GPC6: variants seen among roughly 807,000 people sequenced by gnomAD.
GPC6 encodes the protein glypican-6.
A neutral mutation model predicts 55.2 loss-of-function variants in GPC6; 14 were observed. The ratio of observed to expected loss-of-function variants is 0.25; its 90% confidence interval spans 0.17 to 0.40. The LOEUF is 0.40. Ranked by LOEUF, GPC6 falls within the 10% of genes least tolerant of loss-of-function variation. The pLI is 1.00. For synonymous variants in GPC6, 278 were observed against 259.6 expected (o/e 1.07, Z -0.68); for missense variants, 641 against 708.5 (o/e 0.90, Z 1.08).
intron 4 of GPC6, among the ~76,000 whole-genome samples, chr13:94,181,477 T>G (rs915985021): frequency 3.3e-5 from 5 of 152,218 alleles, no homozygotes; most frequent in Admixed American, 2.0e-4. Flanking sequence ...TTTTATTTAT[T>G]TTTCATAAAG....
chr13:94,096,775 G>A (rs1885673386), intron 4 of GPC6, among the ~76,000 whole-genome samples: 1 of 152,126 alleles, frequency 6.6e-6, no homozygotes, highest in Non-Finnish European at 1.5e-5. Flanking sequence ...CTAGTTACAA[G>A]CAAACAGAAA....
At chr13:93,879,014 C>G (rs1874781722) in intron 3 of GPC6, among the ~76,000 whole-genome samples, 1 of 152,084 alleles carries the variant, frequency 6.6e-6, no homozygotes, top group Admixed American at 6.6e-5. Flanking sequence ...ATAAGCGTTT[C>G]TCAAAAGTGG....
intron 4 of GPC6, among the ~76,000 whole-genome samples, chr13:94,144,145 A>C (rs1424209369): frequency 6.6e-6 from 1 of 152,042 alleles, no homozygotes; most frequent in Non-Finnish European, 1.5e-5. Flanking sequence ...CTGTTGTCCT[A>C]TTTGCATATG....
At chr13:94,066,833 AG>A (rs1884533342) in intron 4 of GPC6, among the ~76,000 whole-genome samples, 1 of 152,338 alleles carries the variant, frequency 6.6e-6, no homozygotes, top group East Asian at 1.9e-4. Context: ...ATAAAAGCTA[AG>A]TATCTGAATA....
At chr13:94,140,381 A>G (rs1448757344) in intron 4 of GPC6, among the ~76,000 whole-genome samples, 1 of 152,238 alleles carries the variant, frequency 6.6e-6, no homozygotes, top group African/African-American at 2.4e-5. Flanking sequence ...CTGGATAACC[A>G]AAGTTGCATA....
intron 1 of GPC6, among the ~76,000 whole-genome samples, chr13:93,343,574 T>G (rs1880334046): frequency 6.6e-6 from 1 of 152,216 alleles, no homozygotes; most frequent in Non-Finnish European, 1.5e-5. Flanking sequence ...TTATTTCCCC[T>G]TTTGCATCAT....
chr13:93,358,806 A>T (rs1348637535), intron 1 of GPC6, among the ~76,000 whole-genome samples: 1 of 152,088 alleles, frequency 6.6e-6, no homozygotes, highest in Non-Finnish European at 1.5e-5. Flanking sequence ...CACGAGTGAA[A>T]ATGACTTCAG....
chr13:93,727,709 T>A (rs1883691917), intron 2 of GPC6, among the ~76,000 whole-genome samples: 1 of 152,176 alleles, frequency 6.6e-6, no homozygotes, highest in South Asian at 2.1e-4. Context: ...TTACACAAAC[T>A]GATGGCCAGC....
intron 3 of GPC6, among the ~76,000 whole-genome samples, chr13:93,942,955 C>G (rs1333346722): frequency 6.6e-6 from 1 of 152,060 alleles, no homozygotes; most frequent in Non-Finnish European, 1.5e-5. Context: ...GTCCAAGGTG[C>G]ACAAATATCT....
intron 1 of GPC6, among the ~76,000 whole-genome samples, chr13:93,344,655 T>C (rs1880371384): frequency 6.6e-6 from 1 of 152,218 alleles, no homozygotes; most frequent in Non-Finnish European, 1.5e-5. Flanking sequence ...GAGTATTTAA[T>C]TCAATAATTG....
chr13:94,382,512 C>T lies in GPC6; in HGVS notation c.1251C>T (p.Ser417=). Residue 417 remains serine (S), a synonymous_variant, in exon 7 of 9, where the codon TCC becomes TCT. Coordinates refer to ENST00000377047, the MANE Select transcript of GPC6 (RefSeq NM_005708.5). The part of the protein sequence containing the change: ...CKDESVTAGT[S]NEEECWNGHS... ...ACGAGAGCGTGACAGCGGGCACGTCCAACGAGGAGGAATGCTGGAACGGGC... is the reference window on the plus strand; with the variant it reads ...ACGAGAGCGTGACAGCGGGCACGTCTAACGAGGAGGAATGCTGGAACGGGC... 1 of 1,614,200 alleles carries T rather than the reference C, an allele frequency of 6.2e-7. No homozygotes were observed. Among genetic ancestry groups the T allele is most frequent in the Non-Finnish European group, 8.5e-7 (1 of 1,180,046 alleles).
At chr13:94,166,747 T>C (rs1406603424) in intron 4 of GPC6, among the ~76,000 whole-genome samples, 1 of 152,184 alleles carries the variant, frequency 6.6e-6, no homozygotes, top group African/African-American at 2.4e-5. Flanking sequence ...TGTAGTACAC[T>C]GTTGTCAAAG....
chr13:93,631,356 G>C (rs969343979), intron 2 of GPC6, among the ~76,000 whole-genome samples: 2 of 152,122 alleles, frequency 1.3e-5, no homozygotes, highest in Admixed American at 6.5e-5. Flanking sequence ...TTTCTCTGGG[G>C]ACCTCTTTAC....
chr13:94,370,500 G>T (rs1308324552), intron 6 of GPC6, among the ~76,000 whole-genome samples: 5 of 152,124 alleles, frequency 3.3e-5, no homozygotes, highest in Non-Finnish European at 7.4e-5. Flanking sequence ...TCTTATAAAA[G>T]GCACGTTAGA....
At chr13:94,310,132 A>C (rs1876166728) in intron 6 of GPC6, among the ~76,000 whole-genome samples, 1 of 152,260 alleles carries the variant, frequency 6.6e-6, no homozygotes, top group Non-Finnish European at 1.5e-5. Context: ...TTAGTTGTAC[A>C]GCTCAGAAAA....
chr13:94,213,310 CATT>C (rs771897344), intron 4 of GPC6, among the ~76,000 whole-genome samples: 4 of 152,126 alleles, frequency 2.6e-5, no homozygotes, highest in Non-Finnish European at 5.9e-5. Flanking sequence ...CAAAAATAAT[CATT>C]ATAATTATAG....
chr13:93,990,990 T>TGAAGGAAGGA (rs1269354944), intron 3 of GPC6, among the ~76,000 whole-genome samples: 1 of 145,966 alleles, frequency 6.9e-6, no homozygotes, highest in African/African-American at 2.7e-5. Context: ...GGAAGGAAGT[T>TGAAGGAAGGA]AGTTCTCAGT....
At chr13:93,262,512 G>C (rs1395932935) in intron 1 of GPC6, among the ~76,000 whole-genome samples, 2 of 152,150 alleles carry the variant, frequency 1.3e-5, no homozygotes, top group Non-Finnish European at 2.9e-5. Context: ...ATACTCAAGT[G>C]ATAAAAACGG....
chr13:93,676,677 A>G (rs905576392), intron 2 of GPC6, among the ~76,000 whole-genome samples: 1 of 152,110 alleles, frequency 6.6e-6, no homozygotes, highest in Non-Finnish European at 1.5e-5. Context: ...TTGAAATAAG[A>G]TCTTTATTTA....
Sources: allele counts gnomAD v4.1 joint callset (sites outside exome capture counted in the v4.1 genomes callset), GRCh38; gene constraint gnomAD v4.1.1; transcripts MANE v1.5; gene names NCBI Gene and HGNC (gene_info 2026-07-23, HGNC 2026-07-21).